DEPDC1B: variants seen among roughly 807,000 people sequenced by gnomAD.
DEPDC1B encodes the protein DEP domain-containing protein 1B.
In DEPDC1B, 51 loss-of-function variants were observed where a neutral mutation model predicts 66.5. That is an observed-to-expected ratio of 0.77 (90% CI 0.61 to 0.97). The LOEUF (loss-of-function observed/expected upper bound fraction) is 0.97. DEPDC1B is among the 50% of genes least tolerant of loss of function. The pLI is 0.00. For synonymous variants in DEPDC1B, 226 were observed against 223.6 expected, an observed-to-expected ratio of 1.01 and a Z score of -0.10; for missense variants, 552 against 637.1, an observed-to-expected ratio of 0.87 and a Z score of 1.44.
intron 7 of DEPDC1B, among the ~76,000 whole-genome samples, chr5:60,608,067 C>T (rs1236123951): frequency 6.6e-6 from 1 of 152,060 alleles, no homozygotes; most frequent in African/African-American, 2.4e-5. Flanking sequence ...TACTGTGGCA[C>T]CTGTATAGCA....
intron 1 of DEPDC1B, among the ~76,000 whole-genome samples, chr5:60,689,767 T>C (rs1051397548): frequency 4.6e-5 from 7 of 152,088 alleles, no homozygotes; most frequent in Non-Finnish European, 7.4e-5. Flanking sequence ...ACAGGCCAGG[T>C]GCAGTGGCTT....
intron 1 of DEPDC1B, chr5:60,687,874 G>A: frequency 5.4e-6 from 1 of 183,600 alleles, no homozygotes; most frequent in South Asian, 7.3e-5. Context: ...AGAAAATGCA[G>A]CTTTTCAAGG....
At chr5:60,601,580 A>G (rs1045279898) in intron 9 of DEPDC1B, among the ~76,000 whole-genome samples, 1 of 152,198 alleles carries the variant, frequency 6.6e-6, no homozygotes, top group African/African-American at 2.4e-5. Context: ...AAAAAAATCT[A>G]CCTTTAAAAA....
chr5:60,601,731 A>G (rs565938428), intron 9 of DEPDC1B, among the ~76,000 whole-genome samples: 1 of 152,350 alleles, frequency 6.6e-6, no homozygotes, highest in East Asian at 1.9e-4. Context: ...ATGGAATAAT[A>G]TAACAATAAT....
intron 10 of DEPDC1B, among the ~76,000 whole-genome samples, chr5:60,598,613 A>T (rs1157156174): frequency 1.3e-5 from 2 of 152,252 alleles, no homozygotes; most frequent in African/African-American, 4.8e-5. Flanking sequence ...AAGAGGAACT[A>T]AAAACTTGTA....
At chr5:60,656,215 C>T (rs887236199) in intron 2 of DEPDC1B, among the ~76,000 whole-genome samples, 2 of 145,350 alleles carry the variant, frequency 1.4e-5, no homozygotes, top group African/African-American at 5.2e-5. Flanking sequence ...GGCTGGAGTA[C>T]AGTGGTGCGA....
intron 7 of DEPDC1B, among the ~76,000 whole-genome samples, chr5:60,631,540 G>A (rs1044110875): frequency 2.6e-5 from 4 of 152,176 alleles, no homozygotes; most frequent in African/African-American, 9.7e-5. Context: ...GAAGGCACTG[G>A]CAATATATCA....
At chr5:60,675,918 GTTTTTTGT>G (rs1206502130) in intron 2 of DEPDC1B, among the ~76,000 whole-genome samples, 3 of 125,052 alleles carry the variant, frequency 2.4e-5, no homozygotes, top group Non-Finnish European at 5.3e-5. Flanking sequence ...TTTTTTTTTT[GTTTTTTGT>G]TTTTTTGTTT....
intron 2 of DEPDC1B, among the ~76,000 whole-genome samples, chr5:60,656,178 T>G (rs922421529): frequency 7.9e-5 from 10 of 126,958 alleles, no homozygotes; most frequent in African/African-American, 3.8e-4. Context: ...TTTTTTTTTT[T>G]GAGACGGAGT....
At chr5:60,627,238 G>A (rs555925531) in intron 7 of DEPDC1B, among the ~76,000 whole-genome samples, 1 of 152,082 alleles carries the variant, frequency 6.6e-6, no homozygotes, top group Admixed American at 6.5e-5. Flanking sequence ...AGAGGTTACT[G>A]ACAAAGGTAT....
intron 7 of DEPDC1B, among the ~76,000 whole-genome samples, chr5:60,606,131 T>C (rs1752304424): frequency 6.6e-6 from 1 of 152,148 alleles, no homozygotes; most frequent in Non-Finnish European, 1.5e-5. Context: ...CATAGCACTC[T>C]TTCCCGAACC....
chr5:60,658,516 T>C (rs1011486443), intron 2 of DEPDC1B, among the ~76,000 whole-genome samples: 2 of 152,206 alleles, frequency 1.3e-5, no homozygotes, highest in Non-Finnish European at 2.9e-5. Flanking sequence ...ACTAGCTGGA[T>C]TTCCTAGGCC....
chr5:60,610,714 T>A (rs982765810), intron 7 of DEPDC1B, among the ~76,000 whole-genome samples: 3 of 152,210 alleles, frequency 2.0e-5, no homozygotes, highest in Non-Finnish European at 2.9e-5. Context: ...CATGTGTAAT[T>A]CAGAAAGCCT....
chr5:60,678,357 C>A (rs1754219081), intron 2 of DEPDC1B, among the ~76,000 whole-genome samples: 1 of 152,172 alleles, frequency 6.6e-6, no homozygotes, highest in South Asian at 2.1e-4. Context: ...CAGTTACTGG[C>A]AATCTATAAA....
intron 1 of DEPDC1B, among the ~76,000 whole-genome samples, 196 bp downstream of exon 1, chr5:60,699,850 G>A (rs1227400932): frequency 6.6e-6 from 1 of 152,218 alleles, no homozygotes; most frequent in Non-Finnish European, 1.5e-5. Flanking sequence ...ACCCCCGGCC[G>A]GCTGAGCTCT....
At chr5:60,675,229 T>C (rs1272847334) in intron 2 of DEPDC1B, among the ~76,000 whole-genome samples, 2 of 152,108 alleles carry the variant, frequency 1.3e-5, no homozygotes, top group Non-Finnish European at 2.9e-5. Context: ...TGAGGATTCC[T>C]ACAAAATAGA....
chr5:60,653,874 CTTTATGTTT>C (rs139307251), intron 2 of DEPDC1B, among the ~76,000 whole-genome samples: 22,414 of 148,546 alleles, frequency 0.15, 4,442 homozygotes, highest in African/African-American at 0.38. Context: ...CCTTTCCCCA[CTTTATGTTT>C]TTCTTTGCTT....
In DEPDC1B at chr5:60,687,806, G is replaced by C. The variant is rs1002228589; in HGVS notation, c.49-579C>G. Reference sequence around the variant, plus strand: ...CTCCCAAAGTGCTGGAATTACAGGAGTGAGCCACTGCACCCGGCCTCAAAA... The same window carrying C: ...CTCCCAAAGTGCTGGAATTACAGGACTGAGCCACTGCACCCGGCCTCAAAA... On this transcript the variant is annotated intron_variant, in intron 1 of 10. Coordinates refer to ENST00000265036, the MANE Select transcript of DEPDC1B (RefSeq NM_018369.3). 1.0e-4 allele frequency: 22 copies of C among 214,552 alleles called. 2 individuals carry two copies. Among genetic ancestry groups the C allele is most frequent in the Admixed American group, 7.9e-4 (13 of 16,360 alleles). The allele number at this position is 214,552 out of a possible 1,614,324, so 13.3% of individuals were successfully genotyped here.
intron 6 of DEPDC1B, among the ~76,000 whole-genome samples, chr5:60,641,594 G>A (rs146794270): frequency 0.012 from 1,898 of 152,012 alleles, 18 homozygotes; most frequent in Non-Finnish European, 0.019. Flanking sequence ...CCAAAGTGCC[G>A]GGATTACAGG....
Sources: allele counts gnomAD v4.1 joint callset (sites outside exome capture counted in the v4.1 genomes callset), GRCh38; gene constraint gnomAD v4.1.1; transcripts MANE v1.5; gene names NCBI Gene and HGNC (gene_info 2026-07-23, HGNC 2026-07-21).